Variants in PKNOX2 observed in about 807,000 individuals in gnomAD.
The protein encoded by PKNOX2 is homeobox protein PKNOX2.
A neutral mutation model predicts 53.1 loss-of-function variants in PKNOX2; 14 were observed. That is an observed-to-expected ratio of 0.26 (90% CI 0.17 to 0.41). PKNOX2 has a LOEUF of 0.41. Among genes scored for constraint, PKNOX2 ranks in the 10% least tolerant of loss-of-function variants. PKNOX2 has a pLI of 1.00. For missense variants in PKNOX2, 496 were observed against 602.8 expected (o/e 0.82, Z 1.85); for synonymous variants, 257 against 242.8 (o/e 1.06, Z -0.54).
intron 2 of PKNOX2, among the ~76,000 whole-genome samples, chr11:125,311,520 G>GC (rs1177092362): frequency 6.6e-6 from 1 of 152,196 alleles, no homozygotes; most frequent in Non-Finnish European, 1.5e-5. Flanking sequence ...CAGAAGGAGA[G>GC]CCCATGTCTG....
intron 5 of PKNOX2, among the ~76,000 whole-genome samples, chr11:125,384,470 G>C (rs548845181): frequency 6.6e-6 from 1 of 152,302 alleles, no homozygotes; most frequent in East Asian, 1.9e-4. Flanking sequence ...CGGATCACGA[G>C]GTCAGGAGAT....
At chr11:125,206,235 G>GCA (rs555901413) in intron 1 of PKNOX2, among the ~76,000 whole-genome samples, 54 of 152,134 alleles carry the variant, frequency 3.5e-4, no homozygotes, top group African/African-American at 1.2e-3. Context: ...AGGGCTGTGG[G>GCA]CACACTGGAG....
At chr11:125,383,934 A>G (rs1591550803) in intron 5 of PKNOX2, among the ~76,000 whole-genome samples, 2 of 151,942 alleles carry the variant, frequency 1.3e-5, no homozygotes, top group East Asian at 3.9e-4. Flanking sequence ...GACTACATCA[A>G]AAAACAAAAA....
At chr11:125,379,692 A>G (rs1214828045) in intron 5 of PKNOX2, among the ~76,000 whole-genome samples, 1 of 152,088 alleles carries the variant, frequency 6.6e-6, no homozygotes, top group African/African-American at 2.4e-5. Flanking sequence ...CAGCCAACAT[A>G]CTGCCCTGTC....
At chr11:125,403,058 C>A (rs1281403267) in intron 7 of PKNOX2, among the ~76,000 whole-genome samples, 1 of 152,100 alleles carries the variant, frequency 6.6e-6, no homozygotes, top group Non-Finnish European at 1.5e-5. Context: ...TCCAATGTAG[C>A]AAGAAGTCTG....
At chr11:125,411,566 C>A (rs933046391) in intron 9 of PKNOX2, 180 bp from the exon 10 acceptor site, 3 of 744,266 alleles carry the variant, frequency 4.0e-6, no homozygotes, top group Non-Finnish European at 6.5e-6. Context: ...ATCACCCAAG[C>A]CTCACCTCCA....
chr11:125,266,895 A>G (rs563507443), intron 2 of PKNOX2: 2 of 152,418 alleles, frequency 1.3e-5, no homozygotes, highest in East Asian at 3.9e-4. Context: ...AGAAAGAACA[A>G]GCATGCCTAT....
In PKNOX2 at chr11:125,319,201, T is replaced by C. The variant is rs1040046168; in HGVS notation, c.-129-12618T>C. On this transcript the variant is annotated intron_variant, in intron 2 of 12. Transcript: ENST00000298282. ...ATTAATTGACCTAATTTTAATATTG[T>C]TGTGCCTCACACACATGACATTTAT... Among the ~76,000 whole-genome samples, 4 of 152,310 alleles carry C rather than the reference T, an allele frequency of 2.6e-5. 1 individual carries two copies. The highest frequency in any genetic ancestry group is 1.3e-4 in the Admixed American group (2 of 15,302).
At chr11:125,383,336 G>A (rs183234884) in intron 5 of PKNOX2, among the ~76,000 whole-genome samples, 10 of 151,786 alleles carry the variant, frequency 6.6e-5, no homozygotes, top group Admixed American at 2.6e-4. Flanking sequence ...TCGGTAGGAC[G>A]TGGTGGCTCA....
In PKNOX2 at chr11:125,342,165, C is replaced by CTT. The variant is rs140732508; in HGVS notation, c.-22-9106_-22-9105dup. Among the ~76,000 whole-genome samples the CTT allele has an allele frequency of 5.5e-5, 8 of 144,428 alleles. No individual in the cohort carries two copies. The South Asian group carries it at 8.8e-4, about 16-fold the overall frequency. The allele number at this position is 144,428 out of a possible 152,430, so 94.8% of individuals were successfully genotyped here. A position where few individuals can be genotyped will look rare whatever the true frequency, so the allele number is the denominator to read the frequency against. On this transcript the variant is annotated intron_variant, in intron 3 of 12. Coordinates refer to ENST00000298282, the MANE Select transcript of PKNOX2 (RefSeq NM_001382323.2). ...TTGCTTCCACAACTCTGACTCTTGA[C>CTT]TTTTTTTTTTTTTTCCTAAAGGCAA... is the stretch of plus-strand genomic sequence containing the variant.
chr11:125,411,757 C>T lies in PKNOX2; in HGVS notation c.828C>T (p.Asp276=). 6.2e-7 allele frequency: 1 copy of T among 1,614,048 alleles called. No homozygotes were observed. Among genetic ancestry groups the T allele is most frequent in the Non-Finnish European group, 8.5e-7 (1 of 1,179,994 alleles). Residue 276 remains aspartate, a synonymous_variant, in exon 10 of 13, where the codon GAC becomes GAT. Transcript: ENST00000298282. ...CACGTGCCCTGAAGGTTAACCTTGA[C>T]CTCACCTCCCTCCTGGACAATGAGG... ...IQIQNTQVNL[D]LTSLLDNEDK...
chr11:125,282,894 G>A (rs921635007), intron 2 of PKNOX2, among the ~76,000 whole-genome samples: 25 of 152,234 alleles, frequency 1.6e-4, no homozygotes, highest in African/African-American at 6.0e-4. Context: ...GCCCATGCCT[G>A]TAATCCCAGC....
intron 2 of PKNOX2, among the ~76,000 whole-genome samples, chr11:125,280,890 C>A (rs190697960): frequency 6.6e-6 from 1 of 152,310 alleles, no homozygotes; most frequent in Admixed American, 6.5e-5. Context: ...CCGCTTCCCA[C>A]TCACCCCCTA....
At chr11:125,411,433 C>T (rs1955503958) in intron 9 of PKNOX2, 1 of 446,718 alleles carries the variant, frequency 2.2e-6, no homozygotes, top group Non-Finnish European at 4.2e-6. Flanking sequence ...TTCTCCTGTT[C>T]TCTCTGCATG....
intron 2 of PKNOX2, among the ~76,000 whole-genome samples, chr11:125,326,566 A>G (rs567847348): frequency 1.9e-4 from 29 of 152,350 alleles, no homozygotes; most frequent in South Asian, 6.2e-4. Context: ...AAACAAGTCG[A>G]TGAATTATTT....
intron 4 of PKNOX2, among the ~76,000 whole-genome samples, chr11:125,355,436 TGTAACTGGGTCCTTGATGCA>T (rs1951552650): frequency 6.6e-6 from 1 of 152,172 alleles, no homozygotes; most frequent in Non-Finnish European, 1.5e-5. Flanking sequence ...TTCAGCATGC[TGTAACTGGGTCCTTGATGCA>T]GACCCCTCAC....
At chr11:125,309,387 AT>A (rs67761552) in intron 2 of PKNOX2, among the ~76,000 whole-genome samples, 6,628 of 135,196 alleles carry the variant, frequency 0.049, 469 homozygotes, top group African/African-American at 0.16. Flanking sequence ...AACAGTACCA[AT>A]TTTTTTTTTT....
At chr11:125,329,556 A>C (rs775177741) in intron 2 of PKNOX2, among the ~76,000 whole-genome samples, 1 of 152,236 alleles carries the variant, frequency 6.6e-6, no homozygotes, top group East Asian at 1.9e-4. Context: ...AAAGATATCT[A>C]AGATAACCAT....
intron 3 of PKNOX2, among the ~76,000 whole-genome samples, chr11:125,338,593 C>A (rs1488023389): frequency 6.6e-6 from 1 of 152,318 alleles, no homozygotes; most frequent in East Asian, 1.9e-4. Context: ...CTGGACAGAA[C>A]CTCCTGATCT....
Sources: allele counts gnomAD v4.1 joint callset (sites outside exome capture counted in the v4.1 genomes callset), GRCh38; gene constraint gnomAD v4.1.1; transcripts MANE v1.5; gene names NCBI Gene and HGNC (gene_info 2026-07-23, HGNC 2026-07-21).